ASAP1: variants seen among roughly 807,000 people sequenced by gnomAD.
ASAP1 encodes ArfGAP with SH3 domain, ankyrin repeat and PH domain 1.
Under a neutral mutation model 145.2 loss-of-function variants are expected in ASAP1, and 43 were observed. That is an observed-to-expected ratio of 0.30 (90% confidence interval 0.23 to 0.38). The LOEUF (loss-of-function observed/expected upper bound fraction) is 0.38. ASAP1 is among the 10% of genes least tolerant of loss of function. ASAP1 has a pLI of 1.00. For synonymous variants in ASAP1, 546 were observed against 515.5 expected, an observed-to-expected ratio of 1.06 and a Z score of -0.80; for missense variants, 1,018 against 1,355.3, an observed-to-expected ratio of 0.75 and a Z score of 3.91.
intron 24 of ASAP1, among the ~76,000 whole-genome samples, chr8:130,095,948 G>A (rs558749746): frequency 6.6e-4 from 100 of 152,222 alleles, no homozygotes; most frequent in Admixed American, 2.7e-3. Context: ...AGGCCAATAT[G>A]TTTCACTTAG....
At chr8:130,294,411 C>T (rs1822133056) in intron 3 of ASAP1, among the ~76,000 whole-genome samples, 1 of 152,206 alleles carries the variant, frequency 6.6e-6, no homozygotes, top group Non-Finnish European at 1.5e-5. Flanking sequence ...TCAACATATA[C>T]AGGTGAGAAG....
At chr8:130,071,749 T>C (rs762591469) in intron 27 of ASAP1, among the ~76,000 whole-genome samples, 2 of 152,138 alleles carry the variant, frequency 1.3e-5, no homozygotes, top group Non-Finnish European at 2.9e-5. Flanking sequence ...CCTGACAATA[T>C]TGAGAGGAAA....
chr8:130,212,095 T>G (rs965647543), intron 5 of ASAP1, among the ~76,000 whole-genome samples: 1 of 152,312 alleles, frequency 6.6e-6, no homozygotes, highest in South Asian at 2.1e-4. Context: ...TGCTCTTCCC[T>G]TTCCAGGAAA....
intron 8 of ASAP1, among the ~76,000 whole-genome samples, chr8:130,180,035 GGGAA>G (rs1230106585): frequency 4.7e-5 from 7 of 147,966 alleles, no homozygotes; most frequent in African/African-American, 1.3e-4. Context: ...AGGAGAGGGA[GGGAA>G]GGAAGGAAGG....
intron 1 of ASAP1, among the ~76,000 whole-genome samples, chr8:130,429,042 C>T (rs111611604): frequency 0.019 from 2,849 of 152,314 alleles, 58 homozygotes; most frequent in Non-Finnish European, 0.024. Context: ...TGAATTGTAG[C>T]TGCATCACTG....
intron 2 of ASAP1, among the ~76,000 whole-genome samples, chr8:130,365,839 G>A (rs1826923842): frequency 6.6e-6 from 1 of 152,178 alleles, no homozygotes; most frequent in South Asian, 2.1e-4. Context: ...AACATTTATA[G>A]GGGGAAGGGT....
In ASAP1 at chr8:130,302,091, TA is replaced by T. The variant is rs1822709278; in HGVS notation, c.186+55925del. Among the ~76,000 whole-genome samples, 3 of 152,368 alleles carry T rather than the reference TA, an allele frequency of 2.0e-5. No homozygotes were observed. In the South Asian group the frequency reaches 6.2e-4, roughly 32 times the overall value. On this transcript the variant is annotated intron_variant, in intron 3 of 29. Coordinates refer to ENST00000518721, the MANE Select transcript of ASAP1 (RefSeq NM_018482.4). Reference sequence around the variant, plus strand: ...AAGACAGGTAAATAGATAATCTGCCTACAGCTATAGTCTAACATTAGGTATA... The same window carrying T: ...AAGACAGGTAAATAGATAATCTGCCTCAGCTATAGTCTAACATTAGGTATA...
intron 24 of ASAP1, among the ~76,000 whole-genome samples, chr8:130,107,587 G>A (rs548928596): frequency 1.5e-4 from 23 of 150,174 alleles, no homozygotes; most frequent in South Asian, 8.4e-4. Flanking sequence ...TCATTCTGTC[G>A]CCCGGGCTGA....
At chr8:130,109,587 A>G (rs2097543435) in intron 24 of ASAP1, among the ~76,000 whole-genome samples, 2 of 152,130 alleles carry the variant, frequency 1.3e-5, no homozygotes, top group South Asian at 4.1e-4. Context: ...AGGAACTCAA[A>G]TGAGAGATCC....
intron 3 of ASAP1, among the ~76,000 whole-genome samples, chr8:130,317,485 G>GT (rs1352833667): frequency 6.6e-6 from 1 of 152,228 alleles, no homozygotes; most frequent in African/African-American, 2.4e-5. Context: ...GTAGTTCAAA[G>GT]TAAGAAGTGA....
intron 1 of ASAP1, among the ~76,000 whole-genome samples, chr8:130,436,219 T>C (rs184556516): frequency 6.6e-6 from 1 of 152,320 alleles, no homozygotes; most frequent in Non-Finnish European, 1.5e-5. Context: ...GTAAAATGTA[T>C]AGTCATTAAA....
At chr8:130,418,405 G>A (rs780947356) in intron 1 of ASAP1, among the ~76,000 whole-genome samples, 15 of 152,148 alleles carry the variant, frequency 9.9e-5, no homozygotes, top group Admixed American at 2.0e-4. Flanking sequence ...AAAATTAGTC[G>A]GTCATGGTGG....
intron 4 of ASAP1, among the ~76,000 whole-genome samples, chr8:130,220,993 G>A (rs977757989): frequency 4.6e-5 from 7 of 152,110 alleles, no homozygotes; most frequent in African/African-American, 7.2e-5. Context: ...CCCAACATGT[G>A]GGGATTACAA....
chr8:130,095,779 C>T (rs144937276), intron 24 of ASAP1, among the ~76,000 whole-genome samples: 7 of 149,196 alleles, frequency 4.7e-5, no homozygotes, highest in African/African-American at 9.9e-5. Context: ...CCGCCACACC[C>T]GGCTAAGTTT....
At chr8:130,058,336 G>C (rs552402810) in intron 28 of ASAP1, among the ~76,000 whole-genome samples, 6 of 152,296 alleles carry the variant, frequency 3.9e-5, no homozygotes, top group East Asian at 3.9e-4. Flanking sequence ...ATTTTCACCA[G>C]AAAGCAAACA....
At chr8:130,423,228 T>C (rs1829790410) in intron 1 of ASAP1, among the ~76,000 whole-genome samples, 1 of 152,232 alleles carries the variant, frequency 6.6e-6, no homozygotes, top group African/African-American at 2.4e-5. Context: ...ATCAGCCACC[T>C]GCATAGCTGG....
At chr8:130,096,649 C>T (rs1381244846) in intron 24 of ASAP1, among the ~76,000 whole-genome samples, 1 of 152,140 alleles carries the variant, frequency 6.6e-6, no homozygotes, top group Non-Finnish European at 1.5e-5. Context: ...CCTCATTCTT[C>T]CTGAGGGTTT....
At chr8:130,340,171 G>A (rs1261509026) in intron 3 of ASAP1, among the ~76,000 whole-genome samples, 3 of 152,170 alleles carry the variant, frequency 2.0e-5, no homozygotes, top group Non-Finnish European at 4.4e-5. Context: ...ACTGGCTGGA[G>A]AAATAACCCC....
At chr8:130,277,038 C>T (rs1321078493) in intron 3 of ASAP1, among the ~76,000 whole-genome samples, 2 of 152,036 alleles carry the variant, frequency 1.3e-5, no homozygotes, top group Non-Finnish European at 2.9e-5. Flanking sequence ...ACAGCGTAAC[C>T]CCACCCTCAC....
Sources: gnomAD v4.1 joint callset for allele counts (sites outside exome capture counted in the v4.1 genomes callset) on GRCh38, gnomAD v4.1.1 for gene constraint, MANE v1.5 for transcripts, NCBI Gene and HGNC (gene_info 2026-07-23, HGNC 2026-07-21) for gene names.